The following SDK1 variants were observed in gnomAD, a reference collection of about 807,000 sequenced individuals.
SDK1 encodes protein sidekick-1.
Under a neutral mutation model 245.5 loss-of-function variants are expected in SDK1, and 157 were observed. The observed-to-expected ratio is 0.64, with a 90% CI of 0.56 to 0.73. The LOEUF is 0.73. Among genes scored for constraint, SDK1 ranks in the 30% least tolerant of loss-of-function variants. SDK1 has a pLI of 0.00. For missense variants in SDK1, 3,583 were observed against 3,002.3 expected (o/e 1.19, Z -4.52); for synonymous variants, 1,647 against 1,278.5 (o/e 1.29, Z -6.15).
At chr7:3,878,210 A>C (rs1417228552) in intron 5 of SDK1, among the ~76,000 whole-genome samples, 3 of 152,214 alleles carry the variant, frequency 2.0e-5, no homozygotes, top group Non-Finnish European at 2.9e-5. Context: ...AGAAAAACTC[A>C]GTTGTTTAAA....
chr7:3,823,932 A>G (rs1275338008), intron 5 of SDK1, among the ~76,000 whole-genome samples: 2 of 150,298 alleles, frequency 1.3e-5, no homozygotes, highest in African/African-American at 4.9e-5. Flanking sequence ...GCAACCAATT[A>G]TGCTTTTTTG....
chr7:4,013,888 G>C (rs940386502), intron 16 of SDK1, among the ~76,000 whole-genome samples: 1 of 152,214 alleles, frequency 6.6e-6, no homozygotes, highest in South Asian at 2.1e-4. Flanking sequence ...GTCCCCTCGG[G>C]GTGGGGGCCG....
chr7:3,734,488 A>G (rs902679390), intron 4 of SDK1, among the ~76,000 whole-genome samples: 1 of 152,226 alleles, frequency 6.6e-6, no homozygotes, highest in Admixed American at 6.5e-5. Context: ...AAAGGGATGT[A>G]CTTTAGTATT....
chr7:3,680,103 A>G (rs1784054556), intron 4 of SDK1, among the ~76,000 whole-genome samples: 1 of 152,226 alleles, frequency 6.6e-6, no homozygotes, highest in Non-Finnish European at 1.5e-5. Context: ...CTTTGCGGCA[A>G]TAAAAGGAAT....
chr7:4,086,836 A>G (rs912834727), intron 22 of SDK1, among the ~76,000 whole-genome samples: 8 of 152,234 alleles, frequency 5.3e-5, no homozygotes, highest in African/African-American at 1.9e-4. Flanking sequence ...TTCAGCCTCA[A>G]GCTAGTTTTC....
At chr7:4,033,235 TG>T (rs1562701996) in intron 17 of SDK1, among the ~76,000 whole-genome samples, 1 of 151,758 alleles carries the variant, frequency 6.6e-6, no homozygotes, top group African/African-American at 2.4e-5. Context: ...TAAGCATTAT[TG>T]AAATAAGTGG....
chr7:3,406,344 G>C (rs1231876092), intron 1 of SDK1, among the ~76,000 whole-genome samples: 1 of 152,108 alleles, frequency 6.6e-6, no homozygotes, highest in Admixed American at 6.6e-5. Context: ...AATATAAATA[G>C]CCCTAGATTT....
Position 4,049,388 on chromosome 7 carries a change from G to C in SDK1, c.2643G>C (p.Val881=). Reference sequence around the variant, plus strand: ...CGCAGAACGTGCAGACGGAAGCCGTGAACTCCACCACCATTCAGTTCCTGT... The same window carrying C: ...CGCAGAACGTGCAGACGGAAGCCGTCAACTCCACCACCATTCAGTTCCTGT... ...APPQNVQTEA[V]NSTTIQFLWN... is the part of the protein sequence containing the mutation. Residue 881 remains valine, a synonymous_variant, in exon 18 of 45, where the codon GTG becomes GTC. Coordinates refer to ENST00000404826, the MANE Select transcript of SDK1 (RefSeq NM_152744.4). 1 of 1,614,098 alleles carries C rather than the reference G, an allele frequency of 6.2e-7. No individual in the cohort carries two copies. The highest frequency in any genetic ancestry group is 8.5e-7 in the Non-Finnish European group (1 of 1,180,024).
intron 1 of SDK1, among the ~76,000 whole-genome samples, chr7:3,400,141 C>T (rs150838503): frequency 6.6e-6 from 1 of 152,030 alleles, no homozygotes; most frequent in Non-Finnish European, 1.5e-5. Context: ...CAGGACTACA[C>T]ATTTTCACAT....
intron 19 of SDK1, among the ~76,000 whole-genome samples, chr7:4,053,366 CT>C (rs1779000675): frequency 6.7e-6 from 1 of 149,900 alleles, no homozygotes; most frequent in Non-Finnish European, 1.5e-5. Flanking sequence ...CCTCTCTCCC[CT>C]TTCCTCTCAA....
intron 14 of SDK1, among the ~76,000 whole-genome samples, chr7:4,005,149 G>C (rs1219951417): frequency 2.1e-5 from 3 of 145,458 alleles, no homozygotes; most frequent in African/African-American, 7.7e-5. Flanking sequence ...GGGTTCAAGC[G>C]ATTCTCCTGC....
intron 1 of SDK1, among the ~76,000 whole-genome samples, chr7:3,411,893 T>C (rs183366802): frequency 4.5e-4 from 69 of 152,094 alleles, no homozygotes; most frequent in African/African-American, 1.6e-3. Context: ...TGAAGAAGGG[T>C]ATATTGCAGG....
chr7:3,975,625 T>G (rs1476201563), intron 13 of SDK1, among the ~76,000 whole-genome samples: 1 of 152,214 alleles, frequency 6.6e-6, no homozygotes, highest in Non-Finnish European at 1.5e-5. Flanking sequence ...CATGTGGAAA[T>G]GAGTGAACTC....
chr7:3,668,495 G>A (rs1783603339), intron 4 of SDK1, among the ~76,000 whole-genome samples: 1 of 152,194 alleles, frequency 6.6e-6, no homozygotes, highest in African/African-American at 2.4e-5. Flanking sequence ...ATTGCCTTGG[G>A]CCTGGTGCAG....
intron 40 of SDK1, among the ~76,000 whole-genome samples, chr7:4,232,314 C>T (rs1785828064): frequency 6.6e-6 from 1 of 151,092 alleles, no homozygotes; most frequent in Admixed American, 6.6e-5. Flanking sequence ...GCTCCAGGCT[C>T]CAGCACCCCT....
chr7:4,151,218 C>T (rs1780358630), intron 30 of SDK1, among the ~76,000 whole-genome samples: 2 of 152,142 alleles, frequency 1.3e-5, no homozygotes, highest in South Asian at 4.1e-4. Flanking sequence ...CCATTGGAGA[C>T]CACAGACCAG....
At chr7:3,701,311 C>T (rs888272195) in intron 4 of SDK1, among the ~76,000 whole-genome samples, 3 of 152,158 alleles carry the variant, frequency 2.0e-5, no homozygotes, top group African/African-American at 7.2e-5. Context: ...GGCCAACATG[C>T]CGTGTTCAAC....
intron 35 of SDK1, among the ~76,000 whole-genome samples, chr7:4,191,778 A>G (rs1027515565): frequency 1.3e-5 from 2 of 152,174 alleles, no homozygotes; most frequent in African/African-American, 4.8e-5. Context: ...TGGGCTCTGC[A>G]CCATAGGAGA....
intron 9 of SDK1, among the ~76,000 whole-genome samples, chr7:3,964,025 C>A (rs1224810821): frequency 6.6e-6 from 1 of 152,158 alleles, no homozygotes; most frequent in African/African-American, 2.4e-5. Flanking sequence ...ACACCTTGGC[C>A]CACAGCTACC....
Sources: allele counts gnomAD v4.1 joint callset (sites outside exome capture counted in the v4.1 genomes callset), GRCh38; gene constraint gnomAD v4.1.1; transcripts MANE v1.5; gene names NCBI Gene and HGNC (gene_info 2026-07-23, HGNC 2026-07-21).